Variants in EIF5 observed in about 807,000 individuals in gnomAD.
The protein encoded by EIF5 is eukaryotic translation initiation factor 5.
EIF5 carries 10 observed loss-of-function variants against 48.3 expected under a neutral mutation model. The observed-to-expected ratio is 0.21, with a 90% CI of 0.13 to 0.35. The LOEUF is 0.35. EIF5 is among the 10% of genes least tolerant of loss of function. The probability of loss-of-function intolerance (pLI) is 1.00; values close to 1 mark genes in which losing one functional copy is unlikely to be tolerated. For synonymous variants in EIF5, 237 were observed against 173.1 expected (o/e 1.37, Z -2.90); for missense variants, 397 against 533.2 (o/e 0.74, Z 2.51).
At position 103,341,297 on chromosome 14, in the gene EIF5, T is replaced by A. The variant is rs117696019; in HGVS notation, c.*245T>A. On this transcript the variant is annotated 3_prime_UTR_variant, in exon 12 of 12. Transcript: ENST00000216554. ...ATGTTTCTTTTTGAAAAACTAGTGG[T>A]GGACACATTTGGATCACATTTATAC... 4.2e-3 allele frequency: 1,717 copies of A among 412,270 alleles called. 7 individuals carry two copies. The highest frequency in any genetic ancestry group is 4.6e-3 in the Non-Finnish European group (1,019 of 221,592). The allele number at this position is 412,270 out of a possible 1,614,324, so 25.5% of individuals were successfully genotyped here.
In EIF5 at chr14:103,342,702, CTT is replaced by C. The variant is rs932232781; in HGVS notation, c.*1652_*1653del. The stretch of plus-strand genomic sequence containing the variant: ...GAGACAAGAATTGGTCTCCAGCTGC[CTT>C]TGATCAAGATTCGGGTGCAAGTGGA... On this transcript the variant is annotated 3_prime_UTR_variant, in exon 12 of 12. Coordinates refer to ENST00000216554, the MANE Select transcript of EIF5 (RefSeq NM_001969.5). 69 of 152,752 alleles carry C rather than the reference CTT, an allele frequency of 4.5e-4. No homozygotes were observed. Among genetic ancestry groups the C allele is most frequent in the African/African-American group, 1.5e-3 (61 of 41,570 alleles). The allele number at this position is 152,752 out of a possible 1,614,324, so 9.5% of individuals were successfully genotyped here.
Position 103,340,576 on chromosome 14 carries a change from A to G in EIF5, c.1206+15A>G. ...AGAACATTGAGGTAAACATTGGGGG[A>G]GGAGGGTATTGGATACAGTGCTGGC... is the stretch of plus-strand genomic sequence containing the variant. On this transcript the variant is annotated intron_variant, in intron 11 of 11. Transcript: ENST00000216554. 6.2e-7 allele frequency: 1 copy of G among 1,605,834 alleles called. No homozygotes were observed. The highest frequency in any genetic ancestry group is 8.5e-7 in the Non-Finnish European group (1 of 1,172,976).
At position 103,342,803 on chromosome 14, in the gene EIF5, T is replaced by A. The variant is rs1425074150; in HGVS notation, c.*1751T>A. ...ATTTTTTTTTCTTCAAACTTGTATG[T>A]TGCCTAGGTTTCAAATTCTTTGCCG... On this transcript the variant is annotated 3_prime_UTR_variant, in exon 12 of 12. Coordinates refer to ENST00000216554, the MANE Select transcript of EIF5 (RefSeq NM_001969.5). The A allele has an allele frequency of 6.6e-6, 1 of 152,670 alleles. No individual in the cohort carries two copies. Among genetic ancestry groups the A allele is most frequent in the African/African-American group, 2.4e-5 (1 of 41,466 alleles). 9.5% of individuals were successfully genotyped at this position (152,670 alleles called of 1,614,324 possible). A position where few individuals can be genotyped will look rare whatever the true frequency, so the allele number is the denominator to read the frequency against.
chr14:103,340,169 G>A (rs1166336810), intron 10 of EIF5, among the ~76,000 whole-genome samples: 2 of 152,098 alleles, frequency 1.3e-5, no homozygotes, highest in South Asian at 2.1e-4. Context: ...GTATTGAGAC[G>A]GCTTTGAGAT....
In EIF5 at chr14:103,342,802, G is replaced by A. The variant is rs574983963; in HGVS notation, c.*1750G>A. 1 of 152,578 alleles carries A rather than the reference G, an allele frequency of 6.6e-6. No homozygotes were observed. The highest frequency in any genetic ancestry group is 2.4e-5 in the African/African-American group (1 of 41,426). 9.5% of individuals were successfully genotyped at this position (152,578 alleles called of 1,614,324 possible). A position where few individuals can be genotyped will look rare whatever the true frequency, so the allele number is the denominator to read the frequency against. On this transcript the variant is annotated 3_prime_UTR_variant, in exon 12 of 12. Transcript: ENST00000216554. The stretch of plus-strand genomic sequence containing the variant: ...GATTTTTTTTTCTTCAAACTTGTAT[G>A]TTGCCTAGGTTTCAAATTCTTTGCC...
chr14:103,338,938 G>A (rs188671824), intron 8 of EIF5, 45 bp downstream of exon 8: 3 of 1,596,210 alleles, frequency 1.9e-6, no homozygotes, highest in African/African-American at 2.7e-5. Context: ...ACCCAGCCTT[G>A]TTTGTGCCTT....
intron 9 of EIF5, 99 bp downstream of exon 9, chr14:103,339,432 T>G: frequency 6.7e-7 from 1 of 1,483,102 alleles, no homozygotes; most frequent in East Asian, 2.3e-5. Context: ...TGCTTGAAAG[T>G]GGGGAAATTG....
rs753893068 is a variant in EIF5 at position 103,341,293 on chromosome 14, G to A, written c.*241G>A. 2.4e-6 allele frequency: 1 copy of A among 425,150 alleles called. No individual in the cohort carries two copies. Among genetic ancestry groups the A allele is most frequent in the Non-Finnish European group, 4.4e-6 (1 of 229,824 alleles). 26.3% of individuals were successfully genotyped at this position (425,150 alleles called of 1,614,324 possible). A position where few individuals can be genotyped will look rare whatever the true frequency, so the allele number is the denominator to read the frequency against. Reference sequence around the variant, plus strand: ...TAGCATGTTTCTTTTTGAAAAACTAGTGGTGGACACATTTGGATCACATTT... The same window carrying A: ...TAGCATGTTTCTTTTTGAAAAACTAATGGTGGACACATTTGGATCACATTT... On this transcript the variant is annotated 3_prime_UTR_variant, in exon 12 of 12. Coordinates refer to ENST00000216554, the MANE Select transcript of EIF5 (RefSeq NM_001969.5).
At position 103,340,457 on chromosome 14, in the gene EIF5, G is replaced by A. The variant is rs745809886; in HGVS notation, c.1102G>A (p.Ala368Thr). The A allele has an allele frequency of 1.9e-6, 3 of 1,607,818 alleles. No homozygotes were observed. Among genetic ancestry groups the A allele is most frequent in the Non-Finnish European group, 2.6e-6 (3 of 1,174,532 alleles). Residue 368 changes from alanine (A) to threonine (T), a missense_variant, in exon 11 of 12, where the codon GCC (alanine) becomes ACC (threonine). Transcript: ENST00000216554. Reference sequence around the variant, plus strand: ...TAAGAAATATGTCTCCAAAGAACTTGCCAAAGAGATTCGTGTCAAAGCAGA... The same window carrying A: ...TAAGAAATATGTCTCCAAAGAACTTACCAAAGAGATTCGTGTCAAAGCAGA... ...ASKKYVSKELAKEIRVKAEPF... is the reference protein window; with the variant it reads ...ASKKYVSKELTKEIRVKAEPF...
intron 8 of EIF5, 74 bp downstream of exon 8, chr14:103,338,967 G>T: frequency 6.4e-7 from 1 of 1,553,006 alleles, no homozygotes; most frequent in Non-Finnish European, 8.7e-7. Context: ...TGATACTTTA[G>T]CAGTGTAATT....
chr14:103,341,164 A>G lies in EIF5; in HGVS notation c.*112A>G, dbSNP rs1348936339. ...CTAAAATGGCTTAACATCATGCTAC[A>G]CTTTACACTAAAAATCTATTACTGT... On this transcript the variant is annotated 3_prime_UTR_variant, in exon 12 of 12. Transcript: ENST00000216554. 13 of 891,420 alleles carry G rather than the reference A, an allele frequency of 1.5e-5. No homozygotes were observed. The highest frequency in any genetic ancestry group is 1.2e-4 in the South Asian group (8 of 69,230). The allele number at this position is 891,420 out of a possible 1,614,324, so 55.2% of individuals were successfully genotyped here.
At chr14:103,335,481 C>T (rs1030712403) in intron 2 of EIF5, 172 bp from the exon 3 acceptor site, 2 of 200,032 alleles carry the variant, frequency 1.0e-5, no homozygotes, top group Non-Finnish European at 2.1e-5. Context: ...TTTTTATGTT[C>T]CCGCAGATTG....
chr14:103,340,642 T>A, intron 11 of EIF5, 81 bp downstream of exon 11: 2 of 1,511,784 alleles, frequency 1.3e-6, no homozygotes, highest in Non-Finnish European at 1.8e-6. Flanking sequence ...AGGAGTGATA[T>A]AATGGCAGTT....
At chr14:103,335,957 T>C in intron 3 of EIF5, 25 bp downstream of exon 3, 1 of 1,614,134 alleles carries the variant, frequency 6.2e-7, no homozygotes, top group Non-Finnish European at 8.5e-7. Context: ...TTCAATTTAG[T>C]TGATAGCTCT....
At chr14:103,340,005 C>T (rs916362274) in intron 10 of EIF5, among the ~76,000 whole-genome samples, 11 of 152,110 alleles carry the variant, frequency 7.2e-5, no homozygotes, top group Non-Finnish European at 1.6e-4. Flanking sequence ...ATTACAGGCA[C>T]CTGCGATCAT....
intron 6 of EIF5, chr14:103,338,050 C>A: frequency 1.7e-6 from 1 of 584,158 alleles, no homozygotes; most frequent in Non-Finnish European, 3.2e-6. Context: ...TTAGGGCCAC[C>A]TCTCCCTAGT....
At chr14:103,335,104 G>A (rs1446741493) in intron 2 of EIF5, 1 of 152,306 alleles carries the variant, frequency 6.6e-6, no homozygotes, top group African/African-American at 2.4e-5. Flanking sequence ...GGAGGCCGGG[G>A]CGAGCCTGGC....
intron 6 of EIF5, chr14:103,338,018 T>C: frequency 1.8e-6 from 1 of 566,196 alleles, no homozygotes; most frequent in Non-Finnish European, 3.4e-6. Context: ...ATGACTTTGT[T>C]CATGAGGGAT....
At chr14:103,339,919 T>C in intron 10 of EIF5, 116 bp downstream of exon 10, 1 of 1,211,316 alleles carries the variant, frequency 8.3e-7, no homozygotes, top group Non-Finnish European at 1.1e-6. Flanking sequence ...AGTACAGTGG[T>C]ATGATCTCAG....
Sources: gnomAD v4.1 joint callset for allele counts (sites outside exome capture counted in the v4.1 genomes callset) on GRCh38, gnomAD v4.1.1 for gene constraint, MANE v1.5 for transcripts, NCBI Gene and HGNC (gene_info 2026-07-23, HGNC 2026-07-21) for gene names.